Variants in RFX7 observed in about 807,000 individuals in gnomAD.
RFX7 encodes the protein DNA-binding protein RFX7.
In RFX7, 26 loss-of-function variants were observed where a neutral mutation model predicts 111.8. That is an observed-to-expected ratio of 0.23 (90% CI 0.17 to 0.32). The LOEUF (loss-of-function observed/expected upper bound fraction) is 0.32. Ranked by LOEUF, RFX7 falls within the 10% of genes least tolerant of loss-of-function variation. RFX7 has a pLI of 1.00. For missense variants in RFX7, 1,573 were observed against 1,772.9 expected, an observed-to-expected ratio of 0.89 and a Z score of 2.02; for synonymous variants, 624 against 624.4, an observed-to-expected ratio of 1.00 and a Z score of 0.01.
At chr15:56,145,795 A>G (rs2042460264) in intron 3 of RFX7, among the ~76,000 whole-genome samples, 1 of 152,208 alleles carries the variant, frequency 6.6e-6, no homozygotes, top group African/African-American at 2.4e-5. Flanking sequence ...CTGCCACCAC[A>G]GTAGTCTAGG....
At chr15:56,214,035 CCT>C (rs1236561174) in intron 2 of RFX7, among the ~76,000 whole-genome samples, 1 of 152,090 alleles carries the variant, frequency 6.6e-6, no homozygotes, top group African/African-American at 2.4e-5. Context: ...TGAAAGCTCA[CCT>C]CTGTCTTATA....
At chr15:56,218,156 T>C (rs1480606013) in intron 2 of RFX7, among the ~76,000 whole-genome samples, 3 of 136,640 alleles carry the variant, frequency 2.2e-5, no homozygotes, top group Admixed American at 2.2e-4. Flanking sequence ...TTTTTTTTTT[T>C]TTTTTTTTTT....
intron 2 of RFX7, among the ~76,000 whole-genome samples, chr15:56,241,207 G>A (rs959880367): frequency 6.6e-6 from 1 of 152,040 alleles, no homozygotes; most frequent in Admixed American, 6.5e-5. Flanking sequence ...CCAAAAACTG[G>A]AGTGCACTCT....
At chr15:56,111,661 CAA>C (rs371681721) in intron 5 of RFX7, among the ~76,000 whole-genome samples, 57 of 95,556 alleles carry the variant, frequency 6.0e-4, no homozygotes, top group African/African-American at 1.8e-3. Flanking sequence ...ATAAATAAAC[CAA>C]AAAAAAAAAA....
At chr15:56,182,338 G>A (rs1168120906) in intron 2 of RFX7, among the ~76,000 whole-genome samples, 2 of 152,012 alleles carry the variant, frequency 1.3e-5, no homozygotes, top group Non-Finnish European at 2.9e-5. Flanking sequence ...TCTGGTAGAT[G>A]AGGGCCCTGG....
chr15:56,101,151 T>C (rs2041746797), intron 8 of RFX7, among the ~76,000 whole-genome samples: 1 of 152,154 alleles, frequency 6.6e-6, no homozygotes, highest in Non-Finnish European at 1.5e-5. Context: ...AAGCAATATA[T>C]AGAAACATAG....
At chr15:56,210,204 G>A (rs2043298246) in intron 2 of RFX7, among the ~76,000 whole-genome samples, 1 of 152,056 alleles carries the variant, frequency 6.6e-6, no homozygotes, top group South Asian at 2.1e-4. Context: ...AGATAAGGCA[G>A]GCTTCAAAGC....
chr15:56,171,759 G>A (rs769226907), intron 3 of RFX7, among the ~76,000 whole-genome samples: 19 of 152,124 alleles, frequency 1.2e-4, no homozygotes, highest in Non-Finnish European at 2.8e-4. Context: ...TATAGAAGTG[G>A]GGGTATGATA....
chr15:56,230,616 A>C (rs1180971098), intron 2 of RFX7, among the ~76,000 whole-genome samples: 3 of 152,236 alleles, frequency 2.0e-5, no homozygotes, highest in Non-Finnish European at 4.4e-5. Context: ...AAAAAGATGC[A>C]AAATTGTTGT....
At chr15:56,234,572 C>T (rs1242709871) in intron 2 of RFX7, among the ~76,000 whole-genome samples, 1 of 152,166 alleles carries the variant, frequency 6.6e-6, no homozygotes, top group Non-Finnish European at 1.5e-5. Context: ...GGAAGTGATT[C>T]ACTTACATTA....
At chr15:56,211,849 G>A (rs747079624) in intron 2 of RFX7, among the ~76,000 whole-genome samples, 5 of 151,970 alleles carry the variant, frequency 3.3e-5, no homozygotes, top group Non-Finnish European at 5.9e-5. Flanking sequence ...CTATTAAAAT[G>A]GCCAAAATCC....
intron 3 of RFX7, among the ~76,000 whole-genome samples, chr15:56,169,582 T>G (rs1382427963): frequency 6.6e-6 from 1 of 152,064 alleles, no homozygotes; most frequent in Admixed American, 6.6e-5. Context: ...TATACCCACC[T>G]AAGTTAGGTT....
chr15:56,117,691 T>C (rs2042025675), intron 5 of RFX7, among the ~76,000 whole-genome samples: 1 of 152,162 alleles, frequency 6.6e-6, no homozygotes, highest in Admixed American at 6.5e-5. Context: ...AAACGAACTT[T>C]TATCAACTTC....
rs143550443 is a variant in RFX7, at chr15:56,233,130, C to G, written c.161+9995G>C. On this transcript the variant is annotated intron_variant, in intron 2 of 9. Coordinates refer to ENST00000559447, the MANE Select transcript of RFX7 (RefSeq NM_022841.7). Reference sequence around the variant, plus strand: ...TTTCACACCGTTGATAAAGACATACCCGAGACTGGGTAATTTATAAGGAAA... The same window carrying G: ...TTTCACACCGTTGATAAAGACATACGCGAGACTGGGTAATTTATAAGGAAA... Among the ~76,000 whole-genome samples, 117 of 152,186 alleles carry G rather than the reference C, an allele frequency of 7.7e-4. 1 individual carries two copies. The highest frequency in any genetic ancestry group is 2.8e-3 in the African/African-American group (116 of 41,502).
At position 56,126,652 on chromosome 15, in the gene RFX7, A is replaced by G. The variant is rs62044101; in HGVS notation, c.401+16126T>C. ...AACATCATCAAAGTATATGTTGTCT[A>G]TATACTACATACATACTTATATTCA... is the stretch of plus-strand genomic sequence containing the variant. On this transcript the variant is annotated intron_variant, in intron 5 of 9. Coordinates refer to ENST00000559447, the MANE Select transcript of RFX7 (RefSeq NM_022841.7). Among the ~76,000 whole-genome samples, 364 of 152,364 alleles carry G rather than the reference A, an allele frequency of 2.4e-3. 4 individuals carry two copies. Among genetic ancestry groups the G allele is most frequent in the Non-Finnish European group, 4.1e-3 (280 of 68,034 alleles).
chr15:56,212,879 C>A (rs1670057990), intron 2 of RFX7, among the ~76,000 whole-genome samples: 1 of 151,964 alleles, frequency 6.6e-6, no homozygotes, highest in Admixed American at 6.5e-5. Flanking sequence ...ACAAATAGTA[C>A]AGATGTTTGT....
chr15:56,237,399 T>C (rs2043635392), intron 2 of RFX7, among the ~76,000 whole-genome samples: 1 of 152,222 alleles, frequency 6.6e-6, no homozygotes, highest in African/African-American at 2.4e-5. Flanking sequence ...CTCATTTAAG[T>C]ACTTACAAAC....
At chr15:56,193,503 T>G (rs1326360694) in intron 2 of RFX7, among the ~76,000 whole-genome samples, 2 of 152,224 alleles carry the variant, frequency 1.3e-5, no homozygotes, top group East Asian at 3.8e-4. Flanking sequence ...AACTTCCTGT[T>G]TTGCTGATTT....
At chr15:56,150,444 C>A (rs1162017479) in intron 3 of RFX7, among the ~76,000 whole-genome samples, 1 of 152,132 alleles carries the variant, frequency 6.6e-6, no homozygotes, top group African/African-American at 2.4e-5. Context: ...TCCGCTGGGT[C>A]GCAGCTTCCA....
Sources: gnomAD v4.1 joint callset for allele counts (sites outside exome capture counted in the v4.1 genomes callset) on GRCh38, gnomAD v4.1.1 for gene constraint, MANE v1.5 for transcripts, NCBI Gene and HGNC (gene_info 2026-07-23, HGNC 2026-07-21) for gene names.